PSD3: variants seen among roughly 807,000 people sequenced by gnomAD.
PSD3 encodes the protein PH and SEC7 domain-containing protein 3.
Under a neutral mutation model 105.5 loss-of-function variants are expected in PSD3, and 49 were observed. That is an observed-to-expected ratio of 0.46 (90% CI 0.37 to 0.59). The LOEUF (loss-of-function observed/expected upper bound fraction) is 0.59. Among genes scored for constraint, PSD3 ranks in the 20% least tolerant of loss-of-function variants. The probability of loss-of-function intolerance (pLI) is 0.00; values close to 1 mark genes in which losing one functional copy is unlikely to be tolerated. For synonymous variants in PSD3, 557 were observed against 457.8 expected (o/e 1.22, Z -2.77); for missense variants, 1,561 against 1,263.8 (o/e 1.24, Z -3.57).
chr8:18,704,488 C>G (rs1388925849), intron 9 of PSD3, among the ~76,000 whole-genome samples: 1 of 152,136 alleles, frequency 6.6e-6, no homozygotes, highest in Non-Finnish European at 1.5e-5. Context: ...CAGGGACGTG[C>G]CACCACACTC....
intron 4 of PSD3, among the ~76,000 whole-genome samples, chr8:18,821,864 CACACACACCACACACA>C (rs1563312636): frequency 7.6e-4 from 67 of 88,070 alleles, no homozygotes; most frequent in Middle Eastern, 6.0e-3. Context: ...CACACACATG[CACACACACCACACACA>C]CACACACACA....
At chr8:18,620,116 T>C (rs1343210108) in intron 11 of PSD3, among the ~76,000 whole-genome samples, 4 of 152,204 alleles carry the variant, frequency 2.6e-5, no homozygotes, top group Non-Finnish European at 5.9e-5. Flanking sequence ...CTTCAAGTCC[T>C]CAGACAACAG....
chr8:18,616,866 G>C (rs34300970), intron 11 of PSD3, among the ~76,000 whole-genome samples: 23,233 of 151,360 alleles, frequency 0.15, 1,934 homozygotes, highest in Middle Eastern at 0.34. Flanking sequence ...CTCGTGATCC[G>C]CCCGCCTCGG....
At chr8:18,782,664 C>T (rs186122710) in intron 8 of PSD3, among the ~76,000 whole-genome samples, 1 of 152,284 alleles carries the variant, frequency 6.6e-6, no homozygotes, top group Middle Eastern at 3.4e-3. Context: ...TGTCTGTGTG[C>T]TAGCAGTGGC....
intron 9 of PSD3, among the ~76,000 whole-genome samples, chr8:18,663,977 G>A (rs1321879347): frequency 6.6e-6 from 1 of 152,176 alleles, no homozygotes; most frequent in African/African-American, 2.4e-5. Context: ...GATCTTTGAT[G>A]TTACTACTGT....
intron 4 of PSD3, among the ~76,000 whole-genome samples, chr8:18,831,917 G>C (rs182210881): frequency 6.6e-6 from 1 of 151,974 alleles, no homozygotes; most frequent in Non-Finnish European, 1.5e-5. Flanking sequence ...AATAGAAAAA[G>C]TATGGGAAGA....
chr8:18,627,397 C>T (rs1425609750), intron 11 of PSD3, among the ~76,000 whole-genome samples: 2 of 152,020 alleles, frequency 1.3e-5, no homozygotes, highest in Admixed American at 6.6e-5. Flanking sequence ...TTGGCTGTAG[C>T]ATCGATCTTA....
At chr8:18,931,782 C>T (rs1048173245) in intron 2 of PSD3, among the ~76,000 whole-genome samples, 11 of 152,168 alleles carry the variant, frequency 7.2e-5, no homozygotes, top group Admixed American at 3.3e-4. Context: ...TCCCTCAGAG[C>T]CTGTTTACTC....
chr8:18,874,224 C>T (rs1043174830), intron 2 of PSD3, among the ~76,000 whole-genome samples: 3 of 151,494 alleles, frequency 2.0e-5, no homozygotes, highest in Non-Finnish European at 4.4e-5. Flanking sequence ...TGTAGTGGTA[C>T]GATCTCGGTT....
chr8:18,871,591 G>T (rs1259475175), intron 3 of PSD3, 35 bp downstream of exon 3: 2 of 1,551,902 alleles, frequency 1.3e-6, no homozygotes, highest in South Asian at 2.5e-5. Context: ...TATGTACCAG[G>T]CATCTGAGAC....
chr8:19,025,490 C>T (rs142929281), intron 1 of PSD3, among the ~76,000 whole-genome samples: 105 of 152,288 alleles, frequency 6.9e-4, no homozygotes, highest in African/African-American at 2.2e-3. Context: ...AGTTTCTTGA[C>T]GGTGTCCTTG....
intron 14 of PSD3, among the ~76,000 whole-genome samples, chr8:18,571,396 A>G (rs2717758): frequency 0.97 from 146,855 of 152,154 alleles, 70,896 homozygotes; most frequent in Middle Eastern, 0.97. Context: ...CTCGTCCCAC[A>G]CCTCACCTAA....
intron 6 of PSD3, 136 bp downstream of exon 6, chr8:18,804,386 T>G (rs1280849648): frequency 5.3e-6 from 4 of 752,298 alleles, no homozygotes; most frequent in Non-Finnish European, 8.3e-6. Flanking sequence ...ACCCAAACAT[T>G]TTGGAGAAGG....
intron 9 of PSD3, among the ~76,000 whole-genome samples, chr8:18,693,219 T>C (rs1338086866): frequency 6.6e-6 from 1 of 152,166 alleles, no homozygotes; most frequent in African/African-American, 2.4e-5. Flanking sequence ...GCTTGACACA[T>C]ACGACCTTAA....
rs1418417251 is a variant in PSD3 at position 18,867,804 on chromosome 8, G to T, written c.1504C>A (p.Gln502Lys). The change falls in exon 4 of 16, where the codon CAG becomes AAG. Residue 502 changes from glutamine (Q) to lysine (K), a missense_variant. Transcript: ENST00000327040. The part of the protein sequence containing the change: ...FLERTSGGGH[Q>K]DILSVSADGG... Reference sequence around the variant, plus strand: ...TCTGCAGACACACTCAGGATATCCTGATGTCCTCCCCCTGATGTCCTCTCC... The same window carrying T: ...TCTGCAGACACACTCAGGATATCCTTATGTCCTCCCCCTGATGTCCTCTCC... 2 of 1,614,128 alleles carry T rather than the reference G, an allele frequency of 1.2e-6. No individual in the cohort carries two copies. The highest frequency in any genetic ancestry group is 8.5e-7 in the Non-Finnish European group (1 of 1,180,002).
intron 10 of PSD3, among the ~76,000 whole-genome samples, chr8:18,641,490 A>C (rs955700610): frequency 1.3e-5 from 2 of 152,226 alleles, no homozygotes; most frequent in South Asian, 4.1e-4. Context: ...CTGTGTACAA[A>C]GCAGTACAGG....
In PSD3 at chr8:18,962,890, T is replaced by C. The variant is rs115358924; in HGVS notation, c.22-26748A>G. The stretch of plus-strand genomic sequence containing the variant: ...AAAGGTTAAAGGTCACGTCAGGCCA[T>C]TGGTGGAACCAAGATATGCCATGGT... On this transcript the variant is annotated intron_variant, in intron 1 of 15. Coordinates refer to ENST00000327040, the MANE Select transcript of PSD3 (RefSeq NM_015310.4). 4.0e-3 allele frequency among the ~76,000 whole-genome samples: 604 copies of C among 152,346 alleles called. 6 individuals carry two copies. The highest frequency in any genetic ancestry group is 0.013 in the African/African-American group (546 of 41,576).
Position 19,007,181 on chromosome 8 carries a change from G to A in PSD3, c.21+6382C>T, listed in dbSNP as rs1826721798. Reference sequence around the variant, plus strand: ...AGGCAGGAGAATCGCTTGAGCCCGAGGCAGAGGTTGCAGTGAGCCGAGATC... The same window carrying A: ...AGGCAGGAGAATCGCTTGAGCCCGAAGCAGAGGTTGCAGTGAGCCGAGATC... On this transcript the variant is annotated intron_variant, in intron 1 of 15. Coordinates refer to ENST00000327040, the MANE Select transcript of PSD3 (RefSeq NM_015310.4). Among the ~76,000 whole-genome samples the A allele has an allele frequency of 2.0e-5, 3 of 151,884 alleles. No homozygotes were observed. In the South Asian group the frequency reaches 6.3e-4, roughly 32 times the overall value.
At chr8:18,793,498 CAAAA>C (rs1809941455) in intron 8 of PSD3, among the ~76,000 whole-genome samples, 1 of 151,670 alleles carries the variant, frequency 6.6e-6, no homozygotes. Context: ...AGTTAGAAAT[CAAAA>C]GATCTTTGCA....
Sources: gnomAD v4.1 joint callset for allele counts (sites outside exome capture counted in the v4.1 genomes callset) on GRCh38, gnomAD v4.1.1 for gene constraint, MANE v1.5 for transcripts, NCBI Gene and HGNC (gene_info 2026-07-23, HGNC 2026-07-21) for gene names.